The following CLK4 variants were observed in gnomAD, a reference collection of about 807,000 sequenced individuals.
CLK4 encodes the protein CDC like kinase 4, also known as dual specificity protein kinase CLK4.
In CLK4, 37 loss-of-function variants were observed where a neutral mutation model predicts 64.4. The observed-to-expected ratio is 0.57, with a 90% CI of 0.44 to 0.76. The LOEUF (loss-of-function observed/expected upper bound fraction) is 0.76, where lower values mean the gene tolerates loss of function less well. Ranked by LOEUF, CLK4 falls within the 30% of genes least tolerant of loss-of-function variation. The probability of loss-of-function intolerance (pLI) is 0.00; values close to 1 mark genes in which losing one functional copy is unlikely to be tolerated. For missense variants in CLK4, 457 were observed against 605.1 expected, an observed-to-expected ratio of 0.76 and a Z score of 2.57; for synonymous variants, 175 against 191.6, an observed-to-expected ratio of 0.91 and a Z score of 0.72.
chr5:178,613,887 G>A lies in CLK4; in HGVS notation c.543-44C>T. 1.4e-6 allele frequency: 2 copies of A among 1,415,704 alleles called. 1 individual carries two copies. 87.7% of individuals were successfully genotyped at this position (1,415,704 alleles called of 1,614,324 possible). On this transcript the variant is annotated intron_variant, in intron 5 of 12. Coordinates refer to ENST00000316308, the MANE Select transcript of CLK4 (RefSeq NM_020666.3). ...ATAAAAATGATAAATGTACAAGAGT[G>A]AGCTGAAGCCATGTTATGCTCTAAA...
chr5:178,622,582 A>C (rs894377344), intron 2 of CLK4: 2 of 195,624 alleles, frequency 1.0e-5, no homozygotes, highest in African/African-American at 4.7e-5. Flanking sequence ...AATTCTATAT[A>C]AATATATTAC....
chr5:178,622,367 C>T (rs987795036), intron 2 of CLK4: 7 of 943,870 alleles, frequency 7.4e-6, no homozygotes, highest in Middle Eastern at 2.9e-4. Context: ...AGTCTGTTAA[C>T]GTGGAGAAGG....
rs201782461 is a variant in CLK4, at chr5:178,613,558, G to T, written c.741C>A (p.Tyr247Ter). 1 of 1,612,138 alleles carries T rather than the reference G, an allele frequency of 6.2e-7. No individual in the cohort carries two copies. Among genetic ancestry groups the T allele is most frequent in the Non-Finnish European group, 8.5e-7 (1 of 1,179,284 alleles). The change falls in exon 7 of 13, where the codon TAC (tyrosine) becomes TAA (stop). Residue 247 changes from tyrosine to a stop codon, truncating the protein, a stop_gained. Coordinates refer to ENST00000316308, the MANE Select transcript of CLK4 (RefSeq NM_020666.3). LOFTEE classifies it high-confidence loss of function. ...GAAAGCTGTTTTCTTTAATGAAATC[G>T]TAAGTACTAAGTCCCAGTAGTTCAA... is the stretch of plus-strand genomic sequence containing the variant. ...IVFELLGLST[Y>*]DFIKENSFLP...
At chr5:178,616,827 G>T in intron 5 of CLK4, 55 bp downstream of exon 5, 1 of 1,245,916 alleles carries the variant, frequency 8.0e-7, no homozygotes, top group South Asian at 1.2e-5. Context: ...TCTGAATTAT[G>T]AATCTTTCCC....
chr5:178,623,306 T>G lies in CLK4; in HGVS notation c.111A>C (p.Thr37=), dbSNP rs763155033. ...GTGGTTTACAATGCCTGTTCTCTTG[T>G]GTGCTACTATGAGATCTCCTCTTCC... The part of the protein sequence containing the change: ...HKRKRRSHSS[T]QENRHCKPHH... Residue 37 remains threonine, a synonymous_variant, in exon 2 of 13, where the codon ACA becomes ACC. Transcript: ENST00000316308. 6.2e-7 allele frequency: 1 copy of G among 1,614,050 alleles called. No individual in the cohort carries two copies. Among genetic ancestry groups the G allele is most frequent in the East Asian group, 2.2e-5 (1 of 44,866 alleles).
intron 2 of CLK4, 63 bp from the exon 3 acceptor site, chr5:178,618,841 A>C (rs1297803505): frequency 7.5e-7 from 1 of 1,341,536 alleles, no homozygotes; most frequent in East Asian, 2.3e-5. Flanking sequence ...GGTTCAAACA[A>C]AACATTTTCT....
At chr5:178,626,707 A>ACGGC (rs111815874) in intron 1 of CLK4, among the ~76,000 whole-genome samples, 31,559 of 151,996 alleles carry the variant, frequency 0.21, 4,756 homozygotes, top group African/African-American at 0.41. Context: ...CCGCGAGCCC[A>ACGGC]CGGCCTCCGG....
At chr5:178,604,298 C>T (rs1045154427) in intron 11 of CLK4, 2 of 163,004 alleles carry the variant, frequency 1.2e-5, no homozygotes, top group Non-Finnish European at 2.6e-5. Flanking sequence ...TTTGGAAATA[C>T]CACCTTGTCT....
At chr5:178,624,387 C>T (rs1337503138) in intron 1 of CLK4, among the ~76,000 whole-genome samples, 2 of 152,200 alleles carry the variant, frequency 1.3e-5, no homozygotes, top group Non-Finnish European at 2.9e-5. Context: ...AGCAGTTATT[C>T]TTAACCTTAA....
Sources: gnomAD v4.1 joint callset for allele counts (sites outside exome capture counted in the v4.1 genomes callset) on GRCh38, gnomAD v4.1.1 for gene constraint, MANE v1.5 for transcripts, NCBI Gene and HGNC (gene_info 2026-07-23, HGNC 2026-07-21) for gene names.